Variants in THADA observed in about 807,000 individuals in gnomAD.
The protein encoded by THADA is tRNA (32-2'-O)-methyltransferase regulator THADA.
Under a neutral mutation model 219.8 loss-of-function variants are expected in THADA, and 213 were observed. The ratio of observed to expected loss-of-function variants is 0.97; its 90% CI spans 0.87 to 1.09. The LOEUF is 1.09. Among genes scored for constraint, THADA ranks in the 50% least tolerant of loss-of-function variants. THADA has a pLI of 0.00. For synonymous variants in THADA, 1,018 were observed against 828.9 expected, an observed-to-expected ratio of 1.23 and a Z score of -3.92; for missense variants, 2,956 against 2,311.3, an observed-to-expected ratio of 1.28 and a Z score of -5.72.
At chr2:43,262,088 T>A (rs1226510481) in intron 36 of THADA, among the ~76,000 whole-genome samples, 1 of 152,228 alleles carries the variant, frequency 6.6e-6, no homozygotes, top group Non-Finnish European at 1.5e-5. Flanking sequence ...TTTAGGCTTA[T>A]CTCTTTATCA....
chr2:43,331,301 T>C (rs989923467), intron 30 of THADA, among the ~76,000 whole-genome samples: 44 of 152,224 alleles, frequency 2.9e-4, no homozygotes, highest in African/African-American at 1.1e-3. Flanking sequence ...TTCCTATTAC[T>C]AGCTGCCCAG....
intron 7 of THADA, among the ~76,000 whole-genome samples, chr2:43,582,286 C>A (rs986656897): frequency 6.6e-6 from 1 of 152,110 alleles, no homozygotes; most frequent in East Asian, 2.0e-4. Flanking sequence ...CATTTGAGGT[C>A]TGGAGTTTGG....
intron 31 of THADA, among the ~76,000 whole-genome samples, chr2:43,312,377 C>T (rs1465701236): frequency 1.3e-5 from 2 of 152,050 alleles, no homozygotes; most frequent in East Asian, 3.9e-4. Context: ...CAGAAATGGA[C>T]GGTGAATAAG....
At chr2:43,356,488 T>A (rs1004020606) in intron 29 of THADA, among the ~76,000 whole-genome samples, 1 of 152,142 alleles carries the variant, frequency 6.6e-6, no homozygotes, top group Non-Finnish European at 1.5e-5. Flanking sequence ...CTATGAAGAT[T>A]AAAAAGTAAA....
intron 7 of THADA, among the ~76,000 whole-genome samples, chr2:43,585,863 A>C (rs1700968220): frequency 6.6e-6 from 1 of 152,086 alleles, no homozygotes; most frequent in Admixed American, 6.5e-5. Flanking sequence ...TTAAATTTTT[A>C]ATTTTTCATT....
intron 4 of THADA, among the ~76,000 whole-genome samples, chr2:43,589,318 T>C (rs192016965): frequency 6.6e-6 from 1 of 152,160 alleles, no homozygotes; most frequent in Non-Finnish European, 1.5e-5. Flanking sequence ...TGTCATATGC[T>C]ATAACAGGGA....
intron 25 of THADA, among the ~76,000 whole-genome samples, chr2:43,488,494 G>T (rs1466070821): frequency 1.3e-5 from 2 of 152,106 alleles, no homozygotes; most frequent in Non-Finnish European, 2.9e-5. Context: ...CCCCCATGTT[G>T]TAGCATGTAT....
chr2:43,574,668 C>T lies in THADA; in HGVS notation c.1397G>A (p.Gly466Glu), dbSNP rs1559002678. Reference protein sequence around the residue: ...TCLGCLVECIGVEHILAIDKT... With the variant: ...TCLGCLVECIEVEHILAIDKT... ...ATCTATAGCCAAAATATGTTCAACT[C>T]CTATGCACTCTACCAAACAACCAAG... Residue 466 changes from glycine to glutamate, a missense_variant, in exon 11 of 38, where the codon GGA becomes GAA. By Grantham distance (98) the Gly-to-Glu change is moderately conservative (BLOSUM62 -2). Coordinates refer to ENST00000405975, the MANE Select transcript of THADA (RefSeq NM_022065.5). 1.9e-6 allele frequency: 3 copies of T among 1,613,880 alleles called. No individual in the cohort carries two copies. The highest frequency in any genetic ancestry group is 2.2e-5 in the East Asian group (1 of 44,896).
At chr2:43,363,185 G>T (rs1305236494) in intron 29 of THADA, among the ~76,000 whole-genome samples, 1 of 152,160 alleles carries the variant, frequency 6.6e-6, no homozygotes, top group African/African-American at 2.4e-5. Flanking sequence ...CAGGAACATA[G>T]TCATCTGCTG....
At chr2:43,480,819 G>A (rs76734241) in intron 26 of THADA, among the ~76,000 whole-genome samples, 31 of 147,036 alleles carry the variant, frequency 2.1e-4, no homozygotes, top group East Asian at 1.9e-4. Context: ...CTCTGTCTTG[G>A]GGGGGAAAAA....
At position 43,397,960 on chromosome 2, in the gene THADA, A is replaced by C; in HGVS notation, c.4227+11T>G. 1 of 1,613,704 alleles carries C rather than the reference A, an allele frequency of 6.2e-7. No homozygotes were observed. The highest frequency in any genetic ancestry group is 8.5e-7 in the Non-Finnish European group (1 of 1,179,646). ...TGTTTGACAGAAGTCACACAAAGCA[A>C]CTTTACTTACCTGGAGAAGTGTCCC... On this transcript the variant is annotated intron_variant, in intron 29 of 37. Transcript: ENST00000405975.
intron 19 of THADA, 83 bp from the exon 20 acceptor site, chr2:43,549,451 C>G: frequency 1.5e-6 from 2 of 1,365,396 alleles, no homozygotes; most frequent in Non-Finnish European, 2.0e-6. Flanking sequence ...CTCAAAAAAT[C>G]TATAATTTTC....
chr2:43,330,174 G>C (rs574659036), intron 30 of THADA, among the ~76,000 whole-genome samples: 26 of 152,188 alleles, frequency 1.7e-4, no homozygotes, highest in Non-Finnish European at 3.5e-4. Flanking sequence ...CATTCACCAA[G>C]TGCCTCTAGA....
At chr2:43,489,614 G>A (rs551524755) in intron 25 of THADA, among the ~76,000 whole-genome samples, 6 of 152,130 alleles carry the variant, frequency 3.9e-5, no homozygotes, top group African/African-American at 1.4e-4. Context: ...AGTTGTCCCC[G>A]TACCATTTGT....
intron 28 of THADA, among the ~76,000 whole-genome samples, chr2:43,407,994 A>G (rs1023752696): frequency 6.6e-6 from 1 of 152,240 alleles, no homozygotes; most frequent in Non-Finnish European, 1.5e-5. Context: ...AATGGCTGGA[A>G]TGCATATTTG....
At chr2:43,316,182 C>T (rs1445558143) in intron 31 of THADA, among the ~76,000 whole-genome samples, 3 of 152,226 alleles carry the variant, frequency 2.0e-5, no homozygotes, top group Non-Finnish European at 1.5e-5. Context: ...TGTTCAACCA[C>T]TTCCTCTTCA....
intron 34 of THADA, among the ~76,000 whole-genome samples, chr2:43,289,960 T>C (rs937964084): frequency 7.5e-6 from 1 of 133,778 alleles, no homozygotes; most frequent in Non-Finnish European, 1.5e-5. Flanking sequence ...GGCCCTGGTG[T>C]TTTTTTTTTG....
At chr2:43,532,779 A>G (rs977181565) in intron 21 of THADA, among the ~76,000 whole-genome samples, 4 of 152,104 alleles carry the variant, frequency 2.6e-5, no homozygotes, top group Non-Finnish European at 5.9e-5. Context: ...AAGAAACAAA[A>G]CCATAAAAAC....
intron 34 of THADA, 31 bp downstream of exon 34, chr2:43,291,665 G>A (rs1674739176): frequency 1.3e-6 from 2 of 1,497,824 alleles, no homozygotes; most frequent in African/African-American, 1.4e-5. Context: ...AAAAATCCTA[G>A]GTCCCGGAAC....
Sources: allele counts gnomAD v4.1 joint callset (sites outside exome capture counted in the v4.1 genomes callset), GRCh38; gene constraint gnomAD v4.1.1; transcripts MANE v1.5; gene names NCBI Gene and HGNC (gene_info 2026-07-23, HGNC 2026-07-21).